MUC5AC: variants seen among roughly 807,000 people sequenced by gnomAD.
MUC5AC encodes mucin 5AC, oligomeric mucus/gel-forming.
In MUC5AC, 158 loss-of-function variants were observed where a neutral mutation model predicts 169.7. The ratio of observed to expected loss-of-function variants is 0.93; its 90% CI spans 0.82 to 1.06. The LOEUF is 1.06. Ranked by LOEUF, MUC5AC falls within the 50% of genes least tolerant of loss-of-function variation. The pLI, the probability that MUC5AC is intolerant of heterozygous loss-of-function variation, is 0.00. For synonymous variants in MUC5AC, 1,975 were observed against 1,237.0 expected (o/e 1.60, Z -12.52); for missense variants, 4,359 against 3,089.9 (o/e 1.41, Z -9.74).
At chr11:1,197,668 G>A (rs1022030078) in intron 41 of MUC5AC, 29 bp downstream of exon 41, 2 of 667,770 alleles carry the variant, frequency 3.0e-6, no homozygotes, top group East Asian at 5.4e-5. Context: ...GAGGGGCATG[G>A]TGTGGCAGGC....
At chr11:1,159,022 G>A (rs1230423152) in intron 1 of MUC5AC, among the ~76,000 whole-genome samples, 6 of 152,246 alleles carry the variant, frequency 3.9e-5, no homozygotes, top group East Asian at 1.9e-4. Flanking sequence ...AGGAGAGGGC[G>A]GAGCTGGGGC....
rs1047632502 is a variant in MUC5AC at position 1,162,814 on chromosome 11, G to A, written c.589-141G>A. The A allele has an allele frequency of 2.3e-5, 23 of 1,003,098 alleles. 1 individual carries two copies. The Admixed American group carries it at 4.4e-4, about 19-fold the overall frequency. 62.1% of individuals were successfully genotyped at this position (1,003,098 alleles called of 1,614,324 possible). On this transcript the variant is annotated intron_variant, in intron 5 of 48. Coordinates refer to ENST00000621226, the MANE Select transcript of MUC5AC (RefSeq NM_001304359.2). ...GCCCAGACACCAATGGTGTCCCGGG[G>A]TCTGTGCCCCCAGGATGGAGACTGC...
chr11:1,193,565 G>A lies in MUC5AC; in HGVS notation c.14661G>A (p.Thr4887=), dbSNP rs867161943. The change falls in exon 33 of 49, where the codon ACG becomes ACA. Residue 4887 remains threonine (T), a synonymous_variant. Coordinates refer to ENST00000621226, the MANE Select transcript of MUC5AC (RefSeq NM_001304359.2). ...ACGTCATCTCCCTGCGCCCGCGCAC[G>A]TGCCCGAGGGTGGAGAAGCCCACTT... is the stretch of plus-strand genomic sequence containing the variant. ...GNNVISLRPR[T]CPRVEKPTCA... 1.6e-5 allele frequency: 12 copies of A among 764,646 alleles called. No individual in the cohort carries two copies. In the Middle Eastern group the frequency reaches 1.3e-3, roughly 86 times the overall value. The allele number at this position is 764,646 out of a possible 1,614,324, so 47.4% of individuals were successfully genotyped here.
chr11:1,178,884 G>A (rs892264696), intron 25 of MUC5AC, among the ~76,000 whole-genome samples: 3 of 152,178 alleles, frequency 2.0e-5, no homozygotes. Context: ...TCGGGGCCCT[G>A]GGGGGTGTTA....
rs766227996 is a variant in MUC5AC at position 1,196,617 on chromosome 11, G to A, written c.15726G>A (p.Gly5242=). Reference sequence around the variant, plus strand: ...CCCACCAACCCTATGCTCTCTACAGGGCTCTGCCGGAGGCCGGCCCCATCA... The same window carrying A: ...CCCACCAACCCTATGCTCTCTACAGAGCTCTGCCGGAGGCCGGCCCCATCA... ...YCYGNDSASL[G]ALPEAGPITE... Residue 5242 remains glycine (G), a splice_region_variant and synonymous_variant, in exon 39 of 49, where the codon GGG becomes GGA. Coordinates refer to ENST00000621226, the MANE Select transcript of MUC5AC (RefSeq NM_001304359.2). 7 of 761,542 alleles carry A rather than the reference G, an allele frequency of 9.2e-6. No homozygotes were observed. The African/African-American group carries it at 1.2e-4, about 13-fold the overall frequency. 47.2% of individuals were successfully genotyped at this position (761,542 alleles called of 1,614,324 possible).
chr11:1,197,467 G>A lies in MUC5AC; in HGVS notation c.15862-1G>A. On this transcript the variant is annotated splice_acceptor_variant, in intron 40 of 48. Transcript: ENST00000621226. LOFTEE classifies it high-confidence loss of function. ...CTGGACCTCAGTCCCCTTCCTTGCA[G>A]GTGGGCCACACCGTCGGCATGGACT... The A allele has an allele frequency of 1.4e-6, 1 of 710,282 alleles. No individual in the cohort carries two copies. The highest frequency in any genetic ancestry group is 2.6e-6 in the Non-Finnish European group (1 of 390,718). The allele number at this position is 710,282 out of a possible 1,614,324, so 44.0% of individuals were successfully genotyped here. A position where few individuals can be genotyped will look rare whatever the true frequency, so the allele number is the denominator to read the frequency against.
intron 1 of MUC5AC, 72 bp from the exon 2 acceptor site, chr11:1,160,540 G>A: frequency 7.5e-7 from 1 of 1,333,384 alleles, no homozygotes; most frequent in South Asian, 1.2e-5. Flanking sequence ...TGTCCATGCT[G>A]CATCTGTGGC....
At position 1,183,926 on chromosome 11, in the gene MUC5AC, G is replaced by A. The variant is rs1422036505; in HGVS notation, c.5781G>A (p.Ser1927=). The A allele has an allele frequency of 0.15, 59,593 of 395,358 alleles. 376 individuals are homozygous for A. Among genetic ancestry groups the A allele is most frequent in the Non-Finnish European group, 0.18 (39,882 of 227,384 alleles). 24.5% of individuals were successfully genotyped at this position (395,358 alleles called of 1,614,324 possible). A position where few individuals can be genotyped will look rare whatever the true frequency, so the allele number is the denominator to read the frequency against. ...CGGCAACATCAACATCATCCATGTC[G>A]ACCACGGCCCCGGGGACCTCTGTGG... ...PVPATSTSSM[S]TTAPGTSVVS... The change falls in exon 31 of 49, where the codon TCG becomes TCA. Residue 1927 remains serine, a synonymous_variant. Transcript: ENST00000621226.
intron 40 of MUC5AC, among the ~76,000 whole-genome samples, 157 bp downstream of exon 40, chr11:1,197,065 G>A (rs1861296402): frequency 6.6e-6 from 1 of 152,180 alleles, no homozygotes; most frequent in Non-Finnish European, 1.5e-5. Flanking sequence ...GGAGGAGCCG[G>A]GCTCCCAGAA....
chr11:1,197,318 G>A (rs949291067), intron 40 of MUC5AC, 150 bp from the exon 41 acceptor site: 22 of 616,684 alleles, frequency 3.6e-5, no homozygotes, highest in Non-Finnish European at 6.2e-5. Context: ...GCCCTACCCT[G>A]CACTTTTGAA....
Position 1,198,295 on chromosome 11 carries a change from C to A in MUC5AC, c.16163C>A (p.Thr5388Asn), listed in dbSNP as rs1314422887. ...TGGACAGTGTGCAGCATCAACGGGA[C>A]CCTGTACCAGGTAAGAGCCACGGAG... ...CSWTVCSINGTLYQPGAVVSS... is the reference protein window; with the variant it reads ...CSWTVCSINGNLYQPGAVVSS... Residue 5388 changes from threonine to asparagine, a missense_variant, in exon 43 of 49, where the codon ACC (threonine) becomes AAC (asparagine). Physicochemically the swap from Thr to Asn is moderately conservative, Grantham distance 65. Transcript: ENST00000621226. The A allele has an allele frequency of 1.3e-6, 1 of 754,264 alleles. No individual in the cohort carries two copies. Among genetic ancestry groups the A allele is most frequent in the Admixed American group, 1.7e-5 (1 of 57,548 alleles). 46.7% of individuals were successfully genotyped at this position (754,264 alleles called of 1,614,324 possible).
At chr11:1,174,372 T>C in intron 16 of MUC5AC, 124 bp from the exon 17 acceptor site, 1 of 604,950 alleles carries the variant, frequency 1.7e-6, no homozygotes, top group East Asian at 3.0e-5. Context: ...CACAGAGGGG[T>C]CCTGGGGGCA....
At chr11:1,192,553 TTC>T in intron 31 of MUC5AC, 28 bp downstream of exon 31, 1 of 760,512 alleles carries the variant, frequency 1.3e-6, no homozygotes, top group South Asian at 1.3e-5. Flanking sequence ...GTGCAATTGT[TTC>T]TGAGCTCACC....
chr11:1,158,902 C>T (rs568785448), intron 1 of MUC5AC, among the ~76,000 whole-genome samples: 114 of 152,342 alleles, frequency 7.5e-4, no homozygotes, highest in Non-Finnish European at 9.6e-4. Flanking sequence ...AACCCTCTCC[C>T]GGTGTCTCCG....
In MUC5AC at chr11:1,185,844, G is replaced by T; in HGVS notation, c.7699G>T (p.Gly2567Cys). ...TSATTTSTTS[G>C]PGTTPSPVPT... ...TGCCACTACAACCAGCACAACCTCTGGTCCTGGAACTACTCCCAGCCCTGT... is the reference window on the plus strand; with the variant it reads ...TGCCACTACAACCAGCACAACCTCTTGTCCTGGAACTACTCCCAGCCCTGT... The change falls in exon 31 of 49, where the codon GGT (glycine) becomes TGT (cysteine). Residue 2567 changes from glycine (G) to cysteine (C), a missense_variant. By Grantham distance (159) the Gly-to-Cys change is radical. Coordinates refer to ENST00000621226, the MANE Select transcript of MUC5AC (RefSeq NM_001304359.2). 2.7e-6 allele frequency: 2 copies of T among 747,670 alleles called. No homozygotes were observed. The highest frequency in any genetic ancestry group is 2.5e-5 in the East Asian group (1 of 40,346). 46.3% of individuals were successfully genotyped at this position (747,670 alleles called of 1,614,324 possible). A position where few individuals can be genotyped will look rare whatever the true frequency, so the allele number is the denominator to read the frequency against.
intron 12 of MUC5AC, 47 bp from the exon 13 acceptor site, chr11:1,168,436 T>A (rs1426443243): frequency 6.3e-7 from 1 of 1,579,536 alleles, no homozygotes; most frequent in Non-Finnish European, 8.6e-7. Context: ...GGGGCTGAGG[T>A]GCCGCAAGCC....
Position 1,158,035 on chromosome 11 carries a change from G to C in MUC5AC, c.36G>C (p.Trp12Cys), listed in dbSNP as rs1349541613. The part of the protein sequence containing the change: ...SVGRRKLALL[W>C]ALALALACTR... ...GCCGGAGGAAGCTGGCCCTGCTCTG[G>C]GCCCTGGCTCTCGCTCTGGCCTGCA... The change falls in exon 1 of 49, where the codon TGG becomes TGC. Residue 12 changes from tryptophan to cysteine, a missense_variant. Trp to Cys is a radical substitution (Grantham distance 215). Transcript: ENST00000621226. 1 of 1,607,830 alleles carries C rather than the reference G, an allele frequency of 6.2e-7. No individual in the cohort carries two copies. Among genetic ancestry groups the C allele is most frequent in the Admixed American group, 1.7e-5 (1 of 59,506 alleles).
intron 15 of MUC5AC, among the ~76,000 whole-genome samples, chr11:1,170,237 A>T (rs1465407041): frequency 1.2e-5 from 1 of 80,694 alleles, no homozygotes; most frequent in Admixed American, 1.1e-4. Flanking sequence ...TCACTCACCC[A>T]CTCACCCATT....
chr11:1,190,666 C>T lies in MUC5AC; in HGVS notation c.12521C>T (p.Thr4174Ile), dbSNP rs1248958955. ...ACAACCAGCACAAACTCTGCTCCTA[C>T]AACCAGCACAATCTCTGCCTCTACA... Reference protein sequence around the residue: ...APTTSTNSAPTTSTISASTTS... With the variant: ...APTTSTNSAPITSTISASTTS... Residue 4174 changes from threonine (T) to isoleucine (I), a missense_variant, in exon 31 of 49, where the codon ACA (threonine) becomes ATA (isoleucine). Coordinates refer to ENST00000621226, the MANE Select transcript of MUC5AC (RefSeq NM_001304359.2). 109,474 of 694,362 alleles carry T rather than the reference C, an allele frequency of 0.16. 10,066 individuals are homozygous for T. Among genetic ancestry groups the T allele is most frequent in the Non-Finnish European group, 0.19 (73,729 of 380,532 alleles). The allele number at this position is 694,362 out of a possible 1,614,324, so 43.0% of individuals were successfully genotyped here. A position where few individuals can be genotyped will look rare whatever the true frequency, so the allele number is the denominator to read the frequency against.
Sources: allele counts gnomAD v4.1 joint callset (sites outside exome capture counted in the v4.1 genomes callset), GRCh38; gene constraint gnomAD v4.1.1; transcripts MANE v1.5; gene names NCBI Gene and HGNC (gene_info 2026-07-23, HGNC 2026-07-21).